Variants in SPTBN1 observed in about 807,000 individuals in gnomAD.
SPTBN1 encodes spectrin beta, non-erythrocytic 1.
SPTBN1 carries 32 observed loss-of-function variants against 266.4 expected under a neutral mutation model. The observed-to-expected ratio is 0.12, with a 90% CI of 0.09 to 0.16. The LOEUF is 0.16. SPTBN1 is among the 10% of genes least tolerant of loss of function. The pLI, the probability that SPTBN1 is intolerant of heterozygous loss-of-function variation, is 1.00. For missense variants in SPTBN1, 2,296 were observed against 3,067.1 expected (o/e 0.75, Z 5.94); for synonymous variants, 1,336 against 1,162.2 (o/e 1.15, Z -3.04).
chr2:54,457,170 T>G (rs1383277428), intron 1 of SPTBN1: 1 of 40,282 alleles, frequency 2.5e-5, no homozygotes, highest in African/African-American at 1.0e-4. Flanking sequence ...CCCCGCCCTT[T>G]CTGCCGTCCC....
intron 2 of SPTBN1, among the ~76,000 whole-genome samples, chr2:54,534,207 C>G (rs894344227): frequency 6.6e-6 from 1 of 152,200 alleles, no homozygotes; most frequent in Non-Finnish European, 1.5e-5. Context: ...GTTCGCACAC[C>G]TAACATTCTG....
chr2:54,651,182 C>A (rs1680256793), intron 26 of SPTBN1, among the ~76,000 whole-genome samples: 1 of 152,206 alleles, frequency 6.6e-6, no homozygotes. Context: ...TCCTCTGCAC[C>A]TCTAAAATCA....
rs1679902408 is a variant in SPTBN1, at chr2:54,646,004, T to C, written c.4571T>C (p.Ile1524Thr). 3 of 1,614,226 alleles carry C rather than the reference T, an allele frequency of 1.9e-6. No homozygotes were observed. Among genetic ancestry groups the C allele is most frequent in the Non-Finnish European group, 2.5e-6 (3 of 1,180,038 alleles). Residue 1524 changes from isoleucine (I) to threonine (T), a missense_variant, in exon 22 of 36, where the codon ATA becomes ACA. Ile to Thr is a moderately conservative substitution (Grantham distance 89, BLOSUM62 -1). Coordinates refer to ENST00000356805, the MANE Select transcript of SPTBN1 (RefSeq NM_003128.3). This position sits in a 1 kb window ranked among gnomAD's most constrained non-coding sequence, Gnocchi z 4.4. The stretch of plus-strand genomic sequence containing the variant: ...AACCTCCAGACTGTGCAGCTGTTAA[T>C]AAAGAAAAATCAGGTAAGCCTTTCT... Reference protein sequence around the residue: ...GHNLQTVQLLIKKNQTLQKEI... With the variant: ...GHNLQTVQLLTKKNQTLQKEI...
intron 8 of SPTBN1, 152 bp downstream of exon 8, chr2:54,621,664 G>A: frequency 1.7e-6 from 1 of 602,160 alleles, no homozygotes; most frequent in Middle Eastern, 4.6e-4. Context: ...ATCCTGAAGG[G>A]TAACAAGAGG....
rs915037964 is a variant in SPTBN1, at chr2:54,508,392, T to TG, written c.-47-17979dup. 1.1e-4 allele frequency among the ~76,000 whole-genome samples: 16 copies of TG among 152,154 alleles called. No individual in the cohort carries two copies. In the South Asian group the frequency reaches 1.7e-3, roughly 16 times the overall value. On this transcript the variant is annotated intron_variant, in intron 1 of 35. Transcript: ENST00000356805. The stretch of plus-strand genomic sequence containing the variant: ...GGGCGGGGCAAATCCCCGAGCTTGA[T>TG]GTGTGGGGAAGGGAGGGGGCCTGAG...
At chr2:54,640,986 T>A (rs774619781) in intron 18 of SPTBN1, among the ~76,000 whole-genome samples, 32 of 152,252 alleles carry the variant, frequency 2.1e-4, no homozygotes, top group Non-Finnish European at 1.3e-4. Context: ...AGGCAGTATA[T>A]CTACATGTGT....
Position 54,629,875 on chromosome 2 carries a change from T to G in SPTBN1, c.2670-17T>G, listed in dbSNP as rs778952279. 2.5e-6 allele frequency: 4 copies of G among 1,613,932 alleles called. No individual in the cohort carries two copies. Among genetic ancestry groups the G allele is most frequent in the Non-Finnish European group, 3.4e-6 (4 of 1,180,004 alleles). Reference sequence around the variant, plus strand: ...AGTGGCCCAGGAGGTGACCACCCTGTCAAATTGCCATTTCAGATTTGAGAG... The same window carrying G: ...AGTGGCCCAGGAGGTGACCACCCTGGCAAATTGCCATTTCAGATTTGAGAG... On this transcript the variant is annotated splice_polypyrimidine_tract_variant and intron_variant, in intron 14 of 35. Transcript: ENST00000356805.
chr2:54,646,604 T>A lies in SPTBN1; in HGVS notation c.4866+129T>A. The A allele has an allele frequency of 4.5e-6, 5 of 1,112,878 alleles. No homozygotes were observed. Among genetic ancestry groups the A allele is most frequent in the Non-Finnish European group, 6.0e-6 (5 of 833,206 alleles). The allele number at this position is 1,112,878 out of a possible 1,614,324, so 68.9% of individuals were successfully genotyped here. A position where few individuals can be genotyped will look rare whatever the true frequency, so the allele number is the denominator to read the frequency against. ...GCCTTTGAGTGTTAAGGGGACACCA[T>A]GTGCATGAAGGTGTCTGAAATCCAG... On this transcript the variant is annotated intron_variant, in intron 23 of 35. Coordinates refer to ENST00000356805, the MANE Select transcript of SPTBN1 (RefSeq NM_003128.3). The surrounding 1 kb of genome is among the most constrained non-coding windows in gnomAD (Gnocchi z 4.4).
chr2:54,469,276 A>G (rs552625363), intron 1 of SPTBN1, among the ~76,000 whole-genome samples: 2 of 152,178 alleles, frequency 1.3e-5, no homozygotes, highest in Non-Finnish European at 2.9e-5. Flanking sequence ...ATTGGAAGAT[A>G]AAAAAAGCTC....
chr2:54,643,567 A>C (rs909757226), intron 19 of SPTBN1, among the ~76,000 whole-genome samples: 5 of 152,210 alleles, frequency 3.3e-5, no homozygotes, highest in Non-Finnish European at 7.3e-5. Context: ...AATTACTATG[A>C]TGTGTTATTC....
At position 54,556,703 on chromosome 2, in the gene SPTBN1, G is replaced by A. The variant is rs185646496; in HGVS notation, c.148+30137G>A. Among the ~76,000 whole-genome samples, 177 of 152,064 alleles carry A rather than the reference G, an allele frequency of 1.2e-3. 1 individual carries two copies. The highest frequency in any genetic ancestry group is 4.1e-3 in the African/African-American group (170 of 41,462). On this transcript the variant is annotated intron_variant, in intron 2 of 35. Coordinates refer to ENST00000356805, the MANE Select transcript of SPTBN1 (RefSeq NM_003128.3). ...TGTGTGTGTGTTTGTGTGTGTGGGCGGGGGGTGATGAAAGGAGGGGTGCAT... is the reference window on the plus strand; with the variant it reads ...TGTGTGTGTGTTTGTGTGTGTGGGCAGGGGGTGATGAAAGGAGGGGTGCAT...
chr2:54,574,708 C>T (rs906003647), intron 2 of SPTBN1, among the ~76,000 whole-genome samples: 1 of 152,166 alleles, frequency 6.6e-6, no homozygotes, highest in Admixed American at 6.5e-5. Flanking sequence ...TCGATCAGTG[C>T]AGTCTGGTTT....
At chr2:54,555,371 T>C (rs980342204) in intron 2 of SPTBN1, among the ~76,000 whole-genome samples, 17 of 152,198 alleles carry the variant, frequency 1.1e-4, no homozygotes, top group African/African-American at 4.1e-4. Context: ...AAATGTGCAC[T>C]TGTCCCCTGC....
intron 1 of SPTBN1, among the ~76,000 whole-genome samples, chr2:54,477,303 G>A (rs895054263): frequency 7.9e-5 from 12 of 152,050 alleles, no homozygotes; most frequent in African/African-American, 2.9e-4. Flanking sequence ...GTAAGAAGGA[G>A]CAGCCTCCCC....
At chr2:54,594,118 T>C (rs539983027) in intron 2 of SPTBN1, among the ~76,000 whole-genome samples, 1 of 152,290 alleles carries the variant, frequency 6.6e-6, no homozygotes, top group East Asian at 1.9e-4. Context: ...TGTGAGCCAC[T>C]GTGTCTGGCA....
chr2:54,589,269 C>T (rs545705083), intron 2 of SPTBN1, among the ~76,000 whole-genome samples: 2 of 152,254 alleles, frequency 1.3e-5, no homozygotes, highest in South Asian at 2.1e-4. Context: ...TGACTTTATG[C>T]GGCTCACCTT....
At chr2:54,596,234 T>A (rs1253910299) in intron 2 of SPTBN1, among the ~76,000 whole-genome samples, 1 of 152,154 alleles carries the variant, frequency 6.6e-6, no homozygotes, top group Non-Finnish European at 1.5e-5. Context: ...CAAGCCTTGC[T>A]GGGTGGGGAG....
At chr2:54,618,965 G>C (rs192057103) in intron 7 of SPTBN1, among the ~76,000 whole-genome samples, 1 of 152,158 alleles carries the variant, frequency 6.6e-6, no homozygotes, top group Non-Finnish European at 1.5e-5. Context: ...CCTAATTCTG[G>C]GTTTCATTTC....
chr2:54,611,352 TA>T (rs1267123562), intron 3 of SPTBN1, among the ~76,000 whole-genome samples: 1 of 152,222 alleles, frequency 6.6e-6, no homozygotes, highest in Non-Finnish European at 1.5e-5. Flanking sequence ...GTCAACTGTG[TA>T]TATTTACTAT....
Sources: allele counts gnomAD v4.1 joint callset (sites outside exome capture counted in the v4.1 genomes callset), GRCh38; gene constraint gnomAD v4.1.1; non-coding constraint Gnocchi (gnomAD v3.1); transcripts MANE v1.5; gene names NCBI Gene and HGNC (gene_info 2026-07-23, HGNC 2026-07-21).